CCNY: variants seen among roughly 807,000 people sequenced by gnomAD.
The protein encoded by CCNY is cyclin Y, also known as cyclin-Y.
CCNY carries 19 observed loss-of-function variants against 42.8 expected under a neutral mutation model. That is an observed-to-expected ratio of 0.44 (90% confidence interval 0.31 to 0.65). The LOEUF is 0.65. Ranked by LOEUF, CCNY falls within the 30% of genes least tolerant of loss-of-function variation. CCNY has a pLI of 0.07. For synonymous variants in CCNY, 165 were observed against 162.7 expected (o/e 1.01, Z -0.11); for missense variants, 370 against 437.3 (o/e 0.85, Z 1.37).
intron 1 of CCNY, among the ~76,000 whole-genome samples, chr10:35,473,340 G>C (rs1839429018): frequency 6.6e-6 from 1 of 152,232 alleles, no homozygotes; most frequent in South Asian, 2.1e-4. Context: ...CACTCTTTCA[G>C]TAAGGCAGTA....
intron 3 of CCNY, among the ~76,000 whole-genome samples, chr10:35,253,902 G>A (rs1436806418): frequency 6.2e-5 from 9 of 144,906 alleles, no homozygotes; most frequent in Non-Finnish European, 1.0e-4. Context: ...TTGAGACGGA[G>A]TCTCACTCTG....
At chr10:35,465,924 A>AGT (rs1183819409) in intron 1 of CCNY, among the ~76,000 whole-genome samples, 28 of 139,636 alleles carry the variant, frequency 2.0e-4, no homozygotes, top group African/African-American at 6.5e-4. Flanking sequence ...AGAGAGAGAG[A>AGT]GAGAGAGAGA....
chr10:35,488,580 C>G (rs1343916307), intron 2 of CCNY, among the ~76,000 whole-genome samples: 1 of 152,170 alleles, frequency 6.6e-6, no homozygotes, highest in East Asian at 1.9e-4. Context: ...TAGGGAAGAC[C>G]TAAGCTTACA....
intron 3 of CCNY, among the ~76,000 whole-genome samples, chr10:35,264,880 T>C (rs753047936): frequency 6.6e-5 from 10 of 152,166 alleles, no homozygotes. Flanking sequence ...CCACCCACCT[T>C]GGCTTCCCAA....
At chr10:35,478,646 G>C (rs1839579758) in intron 1 of CCNY, among the ~76,000 whole-genome samples, 2 of 152,166 alleles carry the variant, frequency 1.3e-5, no homozygotes, top group South Asian at 4.1e-4. Context: ...ATTCAAGATG[G>C]ATTAAAGACT....
At chr10:35,260,118 G>A (rs1055645227) in intron 3 of CCNY, among the ~76,000 whole-genome samples, 3 of 151,786 alleles carry the variant, frequency 2.0e-5, no homozygotes, top group Non-Finnish European at 4.4e-5. Flanking sequence ...GTTCTTTTCC[G>A]GTGCTCTCTT....
intron 1 of CCNY, among the ~76,000 whole-genome samples, chr10:35,442,228 G>A (rs1001015358): frequency 6.6e-6 from 1 of 152,176 alleles, no homozygotes; most frequent in Non-Finnish European, 1.5e-5. Flanking sequence ...AGTGCTGGTT[G>A]CCCTCCAAGG....
chr10:35,562,648 C>T (rs189730023), intron 8 of CCNY, among the ~76,000 whole-genome samples: 1 of 152,236 alleles, frequency 6.6e-6, no homozygotes, highest in African/African-American at 2.4e-5. Flanking sequence ...GTCTGAATTT[C>T]CTTTCTTTTT....
chr10:35,292,066 G>T (rs574904728), intron 3 of CCNY, among the ~76,000 whole-genome samples: 1 of 152,146 alleles, frequency 6.6e-6, no homozygotes, highest in Non-Finnish European at 1.5e-5. Context: ...CCTAGTGGGC[G>T]TGAAGTGCCA....
At chr10:35,273,376 T>G (rs914242957) in intron 3 of CCNY, among the ~76,000 whole-genome samples, 1 of 151,938 alleles carries the variant, frequency 6.6e-6, no homozygotes, top group Non-Finnish European at 1.5e-5. Context: ...TCATTTTTTT[T>G]GTATTTTTAG....
chr10:35,388,287 AT>A (rs1418364151), intron 1 of CCNY, among the ~76,000 whole-genome samples: 1 of 152,208 alleles, frequency 6.6e-6, no homozygotes, highest in Non-Finnish European at 1.5e-5. Flanking sequence ...AACAAAATAG[AT>A]TGTCTGAGAG....
intron 1 of CCNY, among the ~76,000 whole-genome samples, chr10:35,476,544 A>C (rs1211364106): frequency 6.6e-6 from 1 of 152,080 alleles, no homozygotes; most frequent in Non-Finnish European, 1.5e-5. Context: ...TACTGGGTAC[A>C]TAACGAAATG....
At chr10:35,308,132 T>A (rs1337561233) in intron 3 of CCNY, among the ~76,000 whole-genome samples, 1 of 149,422 alleles carries the variant, frequency 6.7e-6, no homozygotes, top group African/African-American at 2.5e-5. Context: ...AGTAATAATT[T>A]TATGGATAAA....
chr10:35,256,551 G>A (rs2095715625), intron 3 of CCNY, among the ~76,000 whole-genome samples: 1 of 151,938 alleles, frequency 6.6e-6, no homozygotes, highest in Non-Finnish European at 1.5e-5. Flanking sequence ...GGCCAGGATG[G>A]TGAAACCCCA....
At chr10:35,550,529 C>A (rs1458536735) in intron 7 of CCNY, among the ~76,000 whole-genome samples, 1 of 152,088 alleles carries the variant, frequency 6.6e-6, no homozygotes, top group Non-Finnish European at 1.5e-5. Flanking sequence ...CTCTCCCTGG[C>A]CTCCCTGCTG....
In CCNY at chr10:35,361,507, G is replaced by T. The variant is rs190398041; in HGVS notation, c.154+24300G>T. On this transcript the variant is annotated intron_variant, in intron 1 of 9. Transcript: ENST00000374704. Reference sequence around the variant, plus strand: ...AAAACTCATACATAATATTTTGTTTGCCTGTGGGGGGCATTTCCTTATTTC... The same window carrying T: ...AAAACTCATACATAATATTTTGTTTTCCTGTGGGGGGCATTTCCTTATTTC... 7.0e-3 allele frequency among the ~76,000 whole-genome samples: 1,068 copies of T among 152,182 alleles called. 11 individuals carry two copies. The highest frequency in any genetic ancestry group is 0.025 in the African/African-American group (1,019 of 41,500).
At chr10:35,319,876 G>T (rs990377913) in intron 3 of CCNY, among the ~76,000 whole-genome samples, 1 of 152,010 alleles carries the variant, frequency 6.6e-6, no homozygotes, top group Admixed American at 6.6e-5. Flanking sequence ...CTTGAACCCG[G>T]GAGGCAAAGG....
intron 3 of CCNY, among the ~76,000 whole-genome samples, chr10:35,257,344 T>C: frequency 6.6e-6 from 1 of 150,548 alleles, no homozygotes; most frequent in African/African-American, 2.4e-5. Context: ...GATCTCGCTA[T>C]GTTACTCAGG....
At chr10:35,449,867 T>G in intron 1 of CCNY, 12 of 866,660 alleles carry the variant, frequency 1.4e-5, no homozygotes, top group Non-Finnish European at 1.7e-5. Context: ...AAAAGGGCCT[T>G]TCCAATGATG....
Sources: allele counts gnomAD v4.1 joint callset (sites outside exome capture counted in the v4.1 genomes callset), GRCh38; gene constraint gnomAD v4.1.1; transcripts MANE v1.5; gene names NCBI Gene and HGNC (gene_info 2026-07-23, HGNC 2026-07-21).